Variants in SPTLC2 observed in about 807,000 individuals in gnomAD.
SPTLC2 encodes the protein serine palmitoyltransferase long chain base subunit 2, also known as serine palmitoyltransferase 2.
A neutral mutation model predicts 62.0 loss-of-function variants in SPTLC2; 21 were observed. The observed-to-expected ratio is 0.34, with a 90% confidence interval of 0.24 to 0.49. The LOEUF is 0.49. SPTLC2 is among the 20% of genes least tolerant of loss of function. SPTLC2 has a pLI of 0.99. For missense variants in SPTLC2, 511 were observed against 713.0 expected (o/e 0.72, Z 3.23); for synonymous variants, 261 against 261.8 (o/e 1.00, Z 0.03).
At chr14:77,523,294 A>T (rs2178875) in intron 9 of SPTLC2, among the ~76,000 whole-genome samples, 6,413 of 152,304 alleles carry the variant, frequency 0.042, 225 homozygotes, top group African/African-American at 0.099. Flanking sequence ...ACTTTTAGAC[A>T]TTGAACCACG....
intron 2 of SPTLC2, among the ~76,000 whole-genome samples, chr14:77,582,112 G>T (rs761289345): frequency 3.4e-4 from 51 of 151,806 alleles, no homozygotes; most frequent in Non-Finnish European, 5.0e-4. Context: ...GAGTGCAATG[G>T]TGTGATCTCG....
chr14:77,610,872 T>C (rs1345812264), intron 1 of SPTLC2, among the ~76,000 whole-genome samples: 1 of 150,800 alleles, frequency 6.6e-6, no homozygotes, highest in African/African-American at 2.4e-5. Context: ...ATAGTGAGAC[T>C]CTGTCTCCCT....
chr14:77,614,014 G>T (rs935869883), intron 1 of SPTLC2, among the ~76,000 whole-genome samples: 1 of 152,208 alleles, frequency 6.6e-6, no homozygotes, highest in African/African-American at 2.4e-5. Context: ...CTGGTGAGAA[G>T]TAGTTTTCTA....
chr14:77,553,729 C>CCAAAA (rs2079567545), intron 8 of SPTLC2, among the ~76,000 whole-genome samples: 1 of 96,576 alleles, frequency 1.0e-5, no homozygotes, highest in African/African-American at 4.1e-5. Context: ...GGCTTGGTCT[C>CCAAAA]AAAAAAAAAA....
At chr14:77,579,156 T>G in intron 2 of SPTLC2, 47 bp from the exon 3 acceptor site, 1 of 1,599,040 alleles carries the variant, frequency 6.3e-7, no homozygotes, top group Non-Finnish European at 8.5e-7. Flanking sequence ...AGTTACTTTA[T>G]TAAAAAATTT....
chr14:77,573,982 T>C (rs1038870784), intron 4 of SPTLC2, among the ~76,000 whole-genome samples: 3 of 152,140 alleles, frequency 2.0e-5, no homozygotes, highest in African/African-American at 7.2e-5. Context: ...GGTGGAGTGA[T>C]GTGCTATAAG....
At chr14:77,583,524 C>A (rs1452871704) in intron 2 of SPTLC2, among the ~76,000 whole-genome samples, 1 of 152,112 alleles carries the variant, frequency 6.6e-6, no homozygotes, top group Admixed American at 6.6e-5. Flanking sequence ...CAGTTCTCTC[C>A]GCAAAGAGTG....
intron 3 of SPTLC2, among the ~76,000 whole-genome samples, chr14:77,578,068 T>G (rs1312188961): frequency 6.6e-6 from 1 of 151,574 alleles, no homozygotes; most frequent in East Asian, 1.9e-4. Context: ...TCACTTGAAC[T>G]TGGGAGGTGG....
intron 2 of SPTLC2, among the ~76,000 whole-genome samples, chr14:77,587,376 C>T (rs1202289924): frequency 2.0e-5 from 3 of 152,126 alleles, no homozygotes; most frequent in Non-Finnish European, 4.4e-5. Context: ...TGGAGAAACT[C>T]ATATTTACAT....
At chr14:77,565,923 AAATT>A in intron 5 of SPTLC2, among the ~76,000 whole-genome samples, 1 of 152,324 alleles carries the variant, frequency 6.6e-6, no homozygotes, top group Non-Finnish European at 1.5e-5. Flanking sequence ...TTGTAAGTCT[AAATT>A]AAAGTTTCAA....
In SPTLC2 at chr14:77,510,202, C is replaced by T; in HGVS notation, c.*2082G>A. 1 of 355,882 alleles carries T rather than the reference C, an allele frequency of 2.8e-6. No homozygotes were observed. The highest frequency in any genetic ancestry group is 4.1e-5 in the East Asian group (1 of 24,148). The allele number at this position is 355,882 out of a possible 1,614,324, so 22.0% of individuals were successfully genotyped here. A position where few individuals can be genotyped will look rare whatever the true frequency, so the allele number is the denominator to read the frequency against. ...ATAGTCTCTGCATCTCTCCTTGGTTCTTTCATTCATCTTTTTCTGTTCTTT... is the reference window on the plus strand; with the variant it reads ...ATAGTCTCTGCATCTCTCCTTGGTTTTTTCATTCATCTTTTTCTGTTCTTT... On this transcript the variant is annotated 3_prime_UTR_variant, in exon 12 of 12. Coordinates refer to ENST00000216484, the MANE Select transcript of SPTLC2 (RefSeq NM_004863.4).
intron 1 of SPTLC2, among the ~76,000 whole-genome samples, chr14:77,604,429 C>T (rs890533397): frequency 2.6e-5 from 4 of 152,196 alleles, no homozygotes; most frequent in African/African-American, 4.8e-5. Flanking sequence ...TTTAACCAGA[C>T]TCAGTTTCTG....
At chr14:77,608,855 T>C (rs956956566) in intron 1 of SPTLC2, among the ~76,000 whole-genome samples, 1 of 150,698 alleles carries the variant, frequency 6.6e-6, no homozygotes, top group African/African-American at 2.4e-5. Flanking sequence ...GAGGCGGAGG[T>C]TGCAGTGAGC....
chr14:77,557,155 CA>C lies in SPTLC2; in HGVS notation c.851-10del. On this transcript the variant is annotated splice_polypyrimidine_tract_variant and intron_variant, in intron 6 of 11. Coordinates refer to ENST00000216484, the MANE Select transcript of SPTLC2 (RefSeq NM_004863.4). ...CTCTAGGCTTTGCATATCTACAGAG[CA>C]CAAAAAAGAACAGTTATACCGCATC... 4 of 1,608,190 alleles carry C rather than the reference CA, an allele frequency of 2.5e-6. No homozygotes were observed. In the South Asian group the frequency reaches 4.4e-5, roughly 18 times the overall value.
At chr14:77,525,016 G>A (rs12436428) in intron 9 of SPTLC2, among the ~76,000 whole-genome samples, 10,786 of 152,226 alleles carry the variant, frequency 0.071, 537 homozygotes, top group Admixed American at 0.15. Flanking sequence ...TAAACACACA[G>A]AAATGATAAT....
chr14:77,602,871 G>A (rs114909168), intron 1 of SPTLC2, among the ~76,000 whole-genome samples: 11 of 152,262 alleles, frequency 7.2e-5, no homozygotes, highest in African/African-American at 2.6e-4. Flanking sequence ...ACTGTGCCCA[G>A]CCTAGTCTAC....
chr14:77,512,975 A>G (rs562967334), intron 11 of SPTLC2, among the ~76,000 whole-genome samples: 1 of 146,834 alleles, frequency 6.8e-6, no homozygotes, highest in African/African-American at 2.5e-5. Flanking sequence ...TTGGCCTCCC[A>G]AAGTGTTGGG....
chr14:77,517,923 C>G (rs376741202), intron 11 of SPTLC2, 115 bp downstream of exon 11: 61 of 1,527,094 alleles, frequency 4.0e-5, no homozygotes, highest in Non-Finnish European at 5.3e-5. Flanking sequence ...ACTGTCACCC[C>G]CTCTGTCTTA....
At position 77,546,613 on chromosome 14, in the gene SPTLC2, ACT is replaced by A. The variant is rs2079529282; in HGVS notation, c.1303+5481_1303+5482del. Among the ~76,000 whole-genome samples the A allele has an allele frequency of 3.3e-5, 5 of 152,232 alleles. No homozygotes were observed. In the East Asian group the frequency reaches 9.6e-4, roughly 29 times the overall value. On this transcript the variant is annotated intron_variant, in intron 9 of 11. Transcript: ENST00000216484. The stretch of plus-strand genomic sequence containing the variant: ...TCTTCCCGGGAATCTTACCCCTACC[ACT>A]GGACTGTTTTTTCAAAGGCAAAGAT...
Sources: gnomAD v4.1 joint callset for allele counts (sites outside exome capture counted in the v4.1 genomes callset) on GRCh38, gnomAD v4.1.1 for gene constraint, MANE v1.5 for transcripts, NCBI Gene and HGNC (gene_info 2026-07-23, HGNC 2026-07-21) for gene names.